NAV3: variants seen among roughly 807,000 people sequenced by gnomAD.
NAV3 encodes the protein neuron navigator 3, also known as pore membrane and/or filament interacting like protein 1.
Under a neutral mutation model 244.7 loss-of-function variants are expected in NAV3, and 87 were observed. The observed-to-expected ratio is 0.36, with a 90% CI of 0.30 to 0.42. The LOEUF (loss-of-function observed/expected upper bound fraction) is 0.42, where lower values mean the gene tolerates loss of function less well. Among genes scored for constraint, NAV3 ranks in the 20% least tolerant of loss-of-function variants. The probability of loss-of-function intolerance (pLI) is 1.00; values close to 1 mark genes in which losing one functional copy is unlikely to be tolerated. For missense variants in NAV3, 2,663 were observed against 2,893.3 expected, an observed-to-expected ratio of 0.92 and a Z score of 1.83; for synonymous variants, 1,126 against 1,042.2, an observed-to-expected ratio of 1.08 and a Z score of -1.55.
intron 2 of NAV3, among the ~76,000 whole-genome samples, chr12:77,706,831 A>G (rs1418151419): frequency 1.5e-5 from 2 of 129,080 alleles, no homozygotes; most frequent in East Asian, 5.2e-4. Flanking sequence ...AGATAGTGCC[A>G]CTGCACTCCA....
chr12:78,118,089 G>T lies in NAV3; in HGVS notation c.2832G>T (p.Leu944=). Residue 944 remains leucine, a synonymous_variant, in exon 14 of 40, where the codon CTG becomes CTT. Coordinates refer to ENST00000397909, the MANE Select transcript of NAV3 (RefSeq NM_001024383.2). ...TDETWDSPEE[L]KKPEEDFDSH... ...AGACCTGGGATAGTCCTGAGGAACT[G>T]AAAAAACCAGAAGAAGATTTTGACA... 1 of 1,614,064 alleles carries T rather than the reference G, an allele frequency of 6.2e-7. No individual in the cohort carries two copies. Among genetic ancestry groups the T allele is most frequent in the Non-Finnish European group, 8.5e-7 (1 of 1,180,000 alleles).
intron 2 of NAV3, among the ~76,000 whole-genome samples, chr12:77,750,803 A>ATCT (rs1238108486): frequency 6.6e-6 from 1 of 152,220 alleles, no homozygotes; most frequent in African/African-American, 2.4e-5. Flanking sequence ...TTTATTCCAA[A>ATCT]TCTGGCAAAA....
chr12:78,128,498 C>T (rs996943075), intron 17 of NAV3, among the ~76,000 whole-genome samples: 5 of 152,112 alleles, frequency 3.3e-5, no homozygotes, highest in African/African-American at 1.2e-4. Flanking sequence ...ATAATTTTCT[C>T]CTCAAAACCC....
chr12:78,100,315 G>A (rs1954475169), intron 12 of NAV3, among the ~76,000 whole-genome samples: 1 of 151,818 alleles, frequency 6.6e-6, no homozygotes, highest in Non-Finnish European at 1.5e-5. Flanking sequence ...ACAAACAGAA[G>A]ATGAGCTTAA....
chr12:77,879,779 A>G (rs1882392148), intron 1 of NAV3, among the ~76,000 whole-genome samples: 1 of 151,806 alleles, frequency 6.6e-6, no homozygotes, highest in Non-Finnish European at 1.5e-5. Flanking sequence ...CTACCACCAA[A>G]TTAATCTATT....
rs1371254818 is a variant in NAV3, at chr12:77,982,221, G to GGCTT, written c.672-12582_672-12581insGCTT. 8.9e-3 allele frequency among the ~76,000 whole-genome samples: 1,147 copies of GGCTT among 129,112 alleles called. 36 individuals are homozygous for GGCTT. The highest frequency in any genetic ancestry group is 0.013 in the South Asian group (50 of 3,754). The allele number at this position is 129,112 out of a possible 152,430, so 84.7% of individuals were successfully genotyped here. A position where few individuals can be genotyped will look rare whatever the true frequency, so the allele number is the denominator to read the frequency against. The stretch of plus-strand genomic sequence containing the variant: ...GTCAATGCATAACATATGGCTTAAT[G>GGCTT]AAAGATGATTTGTTGCTATTGATCC... On this transcript the variant is annotated intron_variant, in intron 5 of 39. Transcript: ENST00000397909.
At position 78,134,743 on chromosome 12, in the gene NAV3, G is replaced by A. The variant is rs1219371261; in HGVS notation, c.4442-2434G>A. 2.0e-5 allele frequency among the ~76,000 whole-genome samples: 3 copies of A among 152,198 alleles called. No homozygotes were observed. In the East Asian group the frequency reaches 5.8e-4, roughly 29 times the overall value. On this transcript the variant is annotated intron_variant, in intron 18 of 39. Transcript: ENST00000397909. ...TACTCCAGCCTGGAAGACAGAGTGA[G>A]ACCCTGTCTCACAATAATAGTATTT...
rs556214745 is a variant in NAV3, at chr12:78,098,346, C to T, written c.2637-18426C>T. Among the ~76,000 whole-genome samples the T allele has an allele frequency of 3.1e-4, 47 of 152,094 alleles. 1 individual carries two copies. The highest frequency in any genetic ancestry group is 6.8e-3 in the Middle Eastern group (2 of 292). The stretch of plus-strand genomic sequence containing the variant: ...TCTTTAAAAATAATCTCTCCACACA[C>T]TGTAGTATTTAAAACATCATGATAT... On this transcript the variant is annotated intron_variant, in intron 12 of 39. Transcript: ENST00000397909.
intron 2 of NAV3, among the ~76,000 whole-genome samples, chr12:77,763,136 C>G (rs2176900): frequency 0.45 from 67,771 of 152,024 alleles, 17,020 homozygotes; most frequent in South Asian, 0.59. Context: ...CCCCTGCCTT[C>G]TACATACTGC....
chr12:77,786,096 T>G (rs1033196217), intron 2 of NAV3, among the ~76,000 whole-genome samples: 1 of 152,170 alleles, frequency 6.6e-6, no homozygotes, highest in African/African-American at 2.4e-5. Flanking sequence ...TAAAAATCCT[T>G]GCAGTTAAGA....
chr12:77,923,423 T>G (rs1887900298), intron 1 of NAV3, among the ~76,000 whole-genome samples: 2 of 152,108 alleles, frequency 1.3e-5, no homozygotes, highest in African/African-American at 2.4e-5. Context: ...ATCTTCCAAA[T>G]TTTTAAAAAA....
At chr12:77,933,591 AT>A (rs1306526100) in intron 1 of NAV3, among the ~76,000 whole-genome samples, 1 of 152,208 alleles carries the variant, frequency 6.6e-6, no homozygotes, top group Non-Finnish European at 1.5e-5. Flanking sequence ...TAATGTGAAT[AT>A]TGAGGTGAAC....
intron 18 of NAV3, among the ~76,000 whole-genome samples, chr12:78,136,768 A>G (rs186492362): frequency 5.5e-4 from 84 of 152,314 alleles, no homozygotes; most frequent in African/African-American, 2.0e-3. Flanking sequence ...TGGGAAATTT[A>G]GATGTTTTAT....
At chr12:77,657,391 C>T (rs1156849902) in intron 2 of NAV3, among the ~76,000 whole-genome samples, 1 of 152,086 alleles carries the variant, frequency 6.6e-6, no homozygotes, top group Non-Finnish European at 1.5e-5. Flanking sequence ...CATACACTCT[C>T]CCAAGACTAA....
intron 1 of NAV3, among the ~76,000 whole-genome samples, chr12:77,847,564 G>T (rs1421399387): frequency 6.6e-6 from 1 of 152,172 alleles, no homozygotes; most frequent in African/African-American, 2.4e-5. Flanking sequence ...AAGAATAAAT[G>T]GAGAGTGCCC....
intron 2 of NAV3, among the ~76,000 whole-genome samples, chr12:77,766,803 G>GAGT (rs1446333487): frequency 2.3e-4 from 29 of 128,000 alleles, no homozygotes; most frequent in African/African-American, 7.3e-4. Flanking sequence ...ACCCAGGCTG[G>GAGT]AGTATAGTGG....
At chr12:77,769,087 T>C (rs1428182692) in intron 2 of NAV3, among the ~76,000 whole-genome samples, 1 of 152,168 alleles carries the variant, frequency 6.6e-6, no homozygotes, top group East Asian at 1.9e-4. Flanking sequence ...CATTTTAAAA[T>C]TGGGAAAACT....
chr12:77,844,153 C>T (rs1876211983), intron 1 of NAV3, among the ~76,000 whole-genome samples: 1 of 151,248 alleles, frequency 6.6e-6, no homozygotes. Flanking sequence ...GTTCTGGAGC[C>T]TGGGATGTCT....
intron 29 of NAV3, among the ~76,000 whole-genome samples, 159 bp downstream of exon 29, chr12:78,179,841 T>C (rs1958424459): frequency 1.3e-5 from 2 of 152,154 alleles, no homozygotes; most frequent in Admixed American, 1.3e-4. Flanking sequence ...AGTACTGAAT[T>C]GAGAATTTTG....
Sources: gnomAD v4.1 joint callset for allele counts (sites outside exome capture counted in the v4.1 genomes callset) on GRCh38, gnomAD v4.1.1 for gene constraint, MANE v1.5 for transcripts, NCBI Gene and HGNC (gene_info 2026-07-23, HGNC 2026-07-21) for gene names.